The following NSUN4 variants were observed in gnomAD, a reference collection of about 807,000 sequenced individuals.
NSUN4 encodes the protein 5-cytosine rRNA methyltransferase NSUN4.
A neutral mutation model predicts 43.8 loss-of-function variants in NSUN4; 31 were observed. That is an observed-to-expected ratio of 0.71 (90% CI 0.53 to 0.96). The LOEUF is 0.96. NSUN4 is among the 40% of genes least tolerant of loss of function. The pLI is 0.00. For synonymous variants in NSUN4, 167 were observed against 184.1 expected, an observed-to-expected ratio of 0.91 and a Z score of 0.75; for missense variants, 439 against 475.6, an observed-to-expected ratio of 0.92 and a Z score of 0.72.
At chr1:46,343,311 C>T (rs1328766051) in intron 1 of NSUN4, 3 of 399,740 alleles carry the variant, frequency 7.5e-6, no homozygotes, top group South Asian at 1.3e-4. Context: ...TTTGAGAACA[C>T]CCTTTGATCC....
At chr1:46,368,800 C>G (rs1023857562), downstream of NSUN4, among the ~76,000 whole-genome samples, 9 of 152,266 alleles carry the variant, frequency 5.9e-5, no homozygotes, top group African/African-American at 2.2e-4. Context: ...TGCCTGTAAT[C>G]CCGGCACTTT....
At position 46,344,950 on chromosome 1, in the gene NSUN4, T is replaced by C. The variant is rs746000216; in HGVS notation, c.243T>C (p.Ala81=). 6.2e-7 allele frequency: 1 copy of C among 1,614,258 alleles called. No homozygotes were observed. Among genetic ancestry groups the C allele is most frequent in the East Asian group, 2.2e-5 (1 of 44,890 alleles). ...ATGGTGCACTGGTCAATAACTTTGC[T>C]GCCTGGGATCATGTAAGTGCTAAGC... ...QKYGALVNNF[A]AWDHVSAKLE... is the part of the protein sequence containing the mutation. Residue 81 remains alanine, a synonymous_variant, in exon 2 of 6, where the codon GCT becomes GCC. Transcript: ENST00000474844.
chr1:46,374,837 A>C, the NSUN4 span, among the ~76,000 whole-genome samples: 7 of 151,770 alleles, frequency 4.6e-5, no homozygotes, highest in Admixed American at 2.0e-4. Context: ...ATATGAGTAT[A>C]TGATCATGCC....
chr1:46,367,762 T>TC (rs1491341304), downstream of NSUN4, among the ~76,000 whole-genome samples: 2 of 136,290 alleles, frequency 1.5e-5, no homozygotes, highest in African/African-American at 5.3e-5. Flanking sequence ...ATCTGAAATT[T>TC]CTTTTTTTTT....
the NSUN4 span, among the ~76,000 whole-genome samples, chr1:46,372,574 A>AT: frequency 2.0e-5 from 3 of 152,210 alleles, no homozygotes; most frequent in Admixed American, 6.5e-5. Flanking sequence ...AAAAGTAGTC[A>AT]TGCAGCAACC....
Position 46,340,808 on chromosome 1 carries a change from C to G in NSUN4, c.-19C>G. 1 of 1,600,750 alleles carries G rather than the reference C, an allele frequency of 6.2e-7. No individual in the cohort carries two copies. Among genetic ancestry groups the G allele is most frequent in the Non-Finnish European group, 8.5e-7 (1 of 1,173,438 alleles). ...CCTGTCGCGGTTCCGGTCGGAATTA[C>G]CCCGTGGAGCACGCCGATATGGCTG... is the stretch of plus-strand genomic sequence containing the variant. On this transcript the variant is annotated 5_prime_UTR_variant, in exon 1 of 6. Coordinates refer to ENST00000474844, the MANE Select transcript of NSUN4 (RefSeq NM_199044.4).
At chr1:46,377,052 C>T in the NSUN4 span, among the ~76,000 whole-genome samples, 5 of 150,850 alleles carry the variant, frequency 3.3e-5, no homozygotes, top group East Asian at 2.0e-4. Flanking sequence ...GCCACTGCAC[C>T]GGCCTTTTTT....
At position 46,342,602 on chromosome 1, in the gene NSUN4, C is replaced by T. The variant is rs1233169765; in HGVS notation, c.93+1683C>T. 8 of 399,576 alleles carry T rather than the reference C, an allele frequency of 2.0e-5. No individual in the cohort carries two copies. The East Asian group carries it at 2.8e-4, about 14-fold the overall frequency. 24.8% of individuals were successfully genotyped at this position (399,576 alleles called of 1,614,324 possible). ...CCCCGGACACCACAACTTCTGGTCC[C>T]CCCTGTTCCCAGGAACCATCTCGTC... On this transcript the variant is annotated intron_variant, in intron 1 of 5. Transcript: ENST00000474844.
intron 3 of NSUN4, among the ~76,000 whole-genome samples, chr1:46,350,909 C>T (rs1167204515): frequency 6.6e-6 from 1 of 152,166 alleles, no homozygotes; most frequent in African/African-American, 2.4e-5. Flanking sequence ...GAAGTCCAGC[C>T]ATCACATCCA....
chr1:46,344,460 C>G (rs1662334344), intron 1 of NSUN4, among the ~76,000 whole-genome samples: 1 of 152,154 alleles, frequency 6.6e-6, no homozygotes, highest in African/African-American at 2.4e-5. Context: ...TCAAAGCTTC[C>G]CAGAGCCTCC....
chr1:46,348,974 C>A (rs1372960210), intron 3 of NSUN4, among the ~76,000 whole-genome samples: 1 of 151,538 alleles, frequency 6.6e-6, no homozygotes, highest in Non-Finnish European at 1.5e-5. Flanking sequence ...ACCACCACAC[C>A]CGGATAATTT....
chr1:46,354,583 A>G (rs978031019), intron 4 of NSUN4, among the ~76,000 whole-genome samples: 2 of 152,176 alleles, frequency 1.3e-5, no homozygotes, highest in African/African-American at 2.4e-5. Flanking sequence ...AACTGAAAGA[A>G]AGACCAAGGC....
Position 46,341,933 on chromosome 1 carries a change from C to G in NSUN4, c.93+1014C>G, listed in dbSNP as rs959486092. 8 of 1,232,898 alleles carry G rather than the reference C, an allele frequency of 6.5e-6. No homozygotes were observed. The African/African-American group carries it at 1.2e-4, about 19-fold the overall frequency. 76.4% of individuals were successfully genotyped at this position (1,232,898 alleles called of 1,614,324 possible). On this transcript the variant is annotated intron_variant, in intron 1 of 5. Transcript: ENST00000474844. The stretch of plus-strand genomic sequence containing the variant: ...GATGGCCTTCAGCTTTTGGAACCAG[C>G]CCGGCAACCTCCTTTCCCCTTGCTC...
Position 46,363,286 on chromosome 1 carries a change from C to A in NSUN4, c.*1440C>A, listed in dbSNP as rs1307660664. ...AGCTTTAAGGAGCATGGCTAGTGCT[C>A]TGAGTAGGACCGTAACCGCCTCCGT... On this transcript the variant is annotated 3_prime_UTR_variant, in exon 6 of 6. Coordinates refer to ENST00000474844, the MANE Select transcript of NSUN4 (RefSeq NM_199044.4). 1.3e-5 allele frequency: 2 copies of A among 152,202 alleles called. No individual in the cohort carries two copies. The highest frequency in any genetic ancestry group is 2.9e-5 in the Non-Finnish European group (2 of 68,052). The allele number at this position is 152,202 out of a possible 1,614,324, so 9.4% of individuals were successfully genotyped here.
At chr1:46,351,767 C>T (rs1198761877) in intron 3 of NSUN4, among the ~76,000 whole-genome samples, 1 of 149,426 alleles carries the variant, frequency 6.7e-6, no homozygotes, top group African/African-American at 2.5e-5. Flanking sequence ...CGGGTTCACG[C>T]CTTTCCCCTG....
At chr1:46,361,115 C>G (rs975232036) in intron 5 of NSUN4, among the ~76,000 whole-genome samples, 1 of 151,906 alleles carries the variant, frequency 6.6e-6, no homozygotes, top group Non-Finnish European at 1.5e-5. Flanking sequence ...CCACTGCACT[C>G]CAGCCTGGGT....
rs1435183442 is a variant in NSUN4, at chr1:46,364,460, T to A, written c.*2614T>A. The A allele has an allele frequency of 6.6e-6, 1 of 152,010 alleles. No individual in the cohort carries two copies. The highest frequency in any genetic ancestry group is 2.4e-5 in the African/African-American group (1 of 41,350). 9.4% of individuals were successfully genotyped at this position (152,010 alleles called of 1,614,324 possible). A position where few individuals can be genotyped will look rare whatever the true frequency, so the allele number is the denominator to read the frequency against. Reference sequence around the variant, plus strand: ...GGAAGGCTGAGGCAGGTGGATCACCTGAGGTCAGGAGGAGTTCAAGACCAG... The same window carrying A: ...GGAAGGCTGAGGCAGGTGGATCACCAGAGGTCAGGAGGAGTTCAAGACCAG... On this transcript the variant is annotated 3_prime_UTR_variant, in exon 6 of 6. Transcript: ENST00000474844.
In NSUN4 at chr1:46,359,095, T is replaced by TA. The variant is rs1291150437; in HGVS notation, c.754-1602dup. On this transcript the variant is annotated intron_variant, in intron 4 of 5. Transcript: ENST00000474844. ...CAATATGGCAAAACCCCGTCTGTAC[T>TA]AAAAAAATACAAAAATTAGCTGAGC... 1.1e-4 allele frequency among the ~76,000 whole-genome samples: 16 copies of TA among 151,958 alleles called. No individual in the cohort carries two copies. In the East Asian group the frequency reaches 3.1e-3, roughly 30 times the overall value.
downstream of NSUN4, among the ~76,000 whole-genome samples, chr1:46,368,261 C>T (rs145124230): frequency 1.7e-4 from 26 of 152,190 alleles, no homozygotes; most frequent in African/African-American, 6.0e-4. Flanking sequence ...GTGTGATCGC[C>T]GATCACAATA....
Sources: allele counts gnomAD v4.1 joint callset (sites outside exome capture counted in the v4.1 genomes callset), GRCh38; gene constraint gnomAD v4.1.1; transcripts MANE v1.5; gene names NCBI Gene and HGNC (gene_info 2026-07-23, HGNC 2026-07-21).